The following TAFA5 variants were observed in gnomAD, a reference collection of about 807,000 sequenced individuals.
The protein encoded by TAFA5 is TAFA chemokine like family member 5.
Under a neutral mutation model 15.3 loss-of-function variants are expected in TAFA5, and 6 were observed. The observed-to-expected ratio is 0.39, with a 90% CI of 0.21 to 0.77. TAFA5 has a LOEUF of 0.77. Among genes scored for constraint, TAFA5 ranks in the 30% least tolerant of loss-of-function variants. The probability of loss-of-function intolerance (pLI) is 0.41; values close to 1 mark genes in which losing one functional copy is unlikely to be tolerated. For synonymous variants in TAFA5, 103 were observed against 80.7 expected (o/e 1.28, Z -1.48); for missense variants, 161 against 193.1 (o/e 0.83, Z 0.98).
chr22:48,502,721 C>G (rs534434296), intron 1 of TAFA5, among the ~76,000 whole-genome samples: 4 of 152,046 alleles, frequency 2.6e-5, no homozygotes, highest in Non-Finnish European at 5.9e-5. Context: ...GTGGTTTTGC[C>G]ATGTTGGCCG....
chr22:48,618,815 G>A (rs28576548), intron 1 of TAFA5, among the ~76,000 whole-genome samples: 92,995 of 151,946 alleles, frequency 0.61, 30,188 homozygotes, highest in East Asian at 0.92. Context: ...TCCTTTCTTC[G>A]TGAGGCTGCT....
At chr22:48,690,720 G>C (rs1476655425) in intron 2 of TAFA5, among the ~76,000 whole-genome samples, 1 of 152,216 alleles carries the variant, frequency 6.6e-6, no homozygotes, top group African/African-American at 2.4e-5. Flanking sequence ...CTTGGGGACA[G>C]GCCTGTGTCC....
intron 3 of TAFA5, among the ~76,000 whole-genome samples, chr22:48,720,948 C>A (rs1482293683): frequency 1.3e-5 from 2 of 152,188 alleles, no homozygotes; most frequent in African/African-American, 4.8e-5. Flanking sequence ...CCTCAGGCCC[C>A]CTCATGCACA....
At chr22:48,734,728 C>T (rs1010310276) in intron 3 of TAFA5, among the ~76,000 whole-genome samples, 16 of 152,330 alleles carry the variant, frequency 1.1e-4, no homozygotes, top group South Asian at 4.2e-4. Context: ...TGAACAGCCC[C>T]GTCCTGAAAT....
chr22:48,593,040 G>A (rs866999895), intron 1 of TAFA5, among the ~76,000 whole-genome samples: 2 of 152,136 alleles, frequency 1.3e-5, no homozygotes, highest in South Asian at 4.1e-4. Flanking sequence ...GGAGGGAGGC[G>A]TCCCTGCAGC....
chr22:48,519,211 A>G (rs542490990), intron 1 of TAFA5, among the ~76,000 whole-genome samples: 1 of 152,378 alleles, frequency 6.6e-6, no homozygotes, highest in African/African-American at 2.4e-5. Context: ...CTGATACATG[A>G]TGTCAAAAGG....
intron 1 of TAFA5, among the ~76,000 whole-genome samples, chr22:48,527,485 G>T (rs1485895711): frequency 6.6e-6 from 1 of 152,238 alleles, no homozygotes; most frequent in Non-Finnish European, 1.5e-5. Flanking sequence ...CAGCTGCCCA[G>T]AGACAGCCGG....
intron 1 of TAFA5, among the ~76,000 whole-genome samples, chr22:48,521,894 G>A (rs1020374469): frequency 6.8e-6 from 1 of 147,310 alleles, no homozygotes; most frequent in South Asian, 2.2e-4. Context: ...TGGAGGGTGT[G>A]GAGGGAGGTG....
chr22:48,537,256 G>A (rs968663788), intron 1 of TAFA5, among the ~76,000 whole-genome samples: 13 of 152,218 alleles, frequency 8.5e-5, no homozygotes, highest in African/African-American at 2.9e-4. Flanking sequence ...CACATGGCCC[G>A]GCTCCCTGGG....
intron 2 of TAFA5, among the ~76,000 whole-genome samples, chr22:48,649,211 C>T (rs1053490017): frequency 2.6e-5 from 4 of 152,322 alleles, no homozygotes; most frequent in South Asian, 2.1e-4. Context: ...CTGGGGGTTG[C>T]GTGCACTGCT....
chr22:48,742,754 G>T lies in TAFA5; in HGVS notation c.391-7085G>T, dbSNP rs1930218555. Among the ~76,000 whole-genome samples, 1 of 152,206 alleles carries T rather than the reference G, an allele frequency of 6.6e-6. No homozygotes were observed. Among genetic ancestry groups the T allele is most frequent in the Non-Finnish European group, 1.5e-5 (1 of 68,038 alleles). On this transcript the variant is annotated intron_variant, in intron 3 of 3. Transcript: ENST00000402357. The surrounding 1 kb of genome is among the most constrained non-coding windows in gnomAD (Gnocchi z 6.2). The stretch of plus-strand genomic sequence containing the variant: ...GCAGCACAGTGGAGCAGGCATTATG[G>T]TGGACTGGGCAGCATGGTGTATTAG...
At chr22:48,602,664 C>A (rs767621215) in intron 1 of TAFA5, among the ~76,000 whole-genome samples, 4 of 152,180 alleles carry the variant, frequency 2.6e-5, no homozygotes, top group African/African-American at 9.7e-5. Context: ...GGTACAGAGA[C>A]GCTTGGCTCG....
chr22:48,508,103 C>G (rs1406466114), intron 1 of TAFA5, among the ~76,000 whole-genome samples: 1 of 152,106 alleles, frequency 6.6e-6, no homozygotes, highest in East Asian at 1.9e-4. Context: ...AACCCTGAGG[C>G]AGAGCCAGTA....
chr22:48,662,397 A>G (rs527336176), intron 2 of TAFA5, among the ~76,000 whole-genome samples: 37 of 152,302 alleles, frequency 2.4e-4, no homozygotes, highest in African/African-American at 8.4e-4. Flanking sequence ...TCTCTGGACC[A>G]TAAGTTCAGG....
intron 1 of TAFA5, among the ~76,000 whole-genome samples, chr22:48,528,904 TG>T (rs1236858001): frequency 6.6e-6 from 1 of 152,116 alleles, no homozygotes; most frequent in South Asian, 2.1e-4. Context: ...CATTGTAACC[TG>T]GAGAAGGGAG....
chr22:48,700,318 A>G (rs130127), intron 2 of TAFA5, among the ~76,000 whole-genome samples: 93,887 of 151,976 alleles, frequency 0.62, 29,788 homozygotes, highest in African/African-American at 0.76. Flanking sequence ...GGAAGCTAGC[A>G]GGTGGGGTGG....
At chr22:48,692,952 G>T (rs1928588802) in intron 2 of TAFA5, among the ~76,000 whole-genome samples, 1 of 152,222 alleles carries the variant, frequency 6.6e-6, no homozygotes, top group South Asian at 2.1e-4. Context: ...GGCATCGGCG[G>T]CGCCTTGGGC....
intron 1 of TAFA5, among the ~76,000 whole-genome samples, chr22:48,492,743 G>A (rs923833395): frequency 1.3e-5 from 2 of 152,194 alleles, no homozygotes; most frequent in Non-Finnish European, 2.9e-5. Flanking sequence ...CAGCAGGCTT[G>A]GTTTCCTCCG....
intron 1 of TAFA5, among the ~76,000 whole-genome samples, chr22:48,534,857 C>T (rs1317362005): frequency 1.3e-5 from 2 of 152,096 alleles, no homozygotes; most frequent in Non-Finnish European, 2.9e-5. Flanking sequence ...ACTGTGGAGG[C>T]TTGGCCGTGG....
Sources: allele counts gnomAD v4.1 joint callset (sites outside exome capture counted in the v4.1 genomes callset), GRCh38; gene constraint gnomAD v4.1.1; non-coding constraint Gnocchi (gnomAD v3.1); transcripts MANE v1.5; gene names NCBI Gene and HGNC (gene_info 2026-07-23, HGNC 2026-07-21).